The following EPB41L5 variants were observed in gnomAD, a reference collection of about 807,000 sequenced individuals.
The protein encoded by EPB41L5 is erythrocyte membrane protein band 4.1 like 5, also known as band 4.1-like protein 5.
EPB41L5 carries 55 observed loss-of-function variants against 106.6 expected under a neutral mutation model. The observed-to-expected ratio is 0.52, with a 90% CI of 0.42 to 0.65. The LOEUF (loss-of-function observed/expected upper bound fraction) is 0.65, where lower values mean the gene tolerates loss of function less well. Among genes scored for constraint, EPB41L5 ranks in the 30% least tolerant of loss-of-function variants. EPB41L5 has a pLI of 0.00. For missense variants in EPB41L5, 871 were observed against 882.1 expected (o/e 0.99, Z 0.16); for synonymous variants, 297 against 306.7 (o/e 0.97, Z 0.33).
At chr2:120,091,168 T>A (rs190627338) in intron 12 of EPB41L5, among the ~76,000 whole-genome samples, 12 of 152,268 alleles carry the variant, frequency 7.9e-5, no homozygotes, top group Non-Finnish European at 1.6e-4. Context: ...AAAAAACATT[T>A]CTGGAAAATT....
chr2:120,015,668 G>T (rs1677465079), intron 1 of EPB41L5, among the ~76,000 whole-genome samples: 1 of 152,006 alleles, frequency 6.6e-6, no homozygotes, highest in Admixed American at 6.6e-5. Flanking sequence ...GCTGGGCTTG[G>T]TGCCTCATGC....
intron 3 of EPB41L5, among the ~76,000 whole-genome samples, chr2:120,046,671 T>C (rs1395439559): frequency 2.0e-5 from 3 of 152,100 alleles, no homozygotes; most frequent in African/African-American, 4.8e-5. Context: ...TAATTAGATC[T>C]CATTTGCCAA....
chr2:120,169,268 G>A (rs537211865), intron 24 of EPB41L5, among the ~76,000 whole-genome samples: 1 of 152,258 alleles, frequency 6.6e-6, no homozygotes, highest in East Asian at 1.9e-4. Context: ...TAAATCAGCT[G>A]GACAGATTAG....
At chr2:120,168,143 C>G (rs1034595530) in intron 24 of EPB41L5, 136 bp downstream of exon 24, 25 of 1,048,630 alleles carry the variant, frequency 2.4e-5, no homozygotes, top group Non-Finnish European at 3.3e-5. Context: ...AATCTTTTTT[C>G]TGTTTGTTAT....
rs1687965126 is a variant in EPB41L5, at chr2:120,177,595, T to C, written c.*2688T>C. On this transcript the variant is annotated 3_prime_UTR_variant, in exon 25 of 25. Transcript: ENST00000263713. ...AAATTAATCAGTGAGACCTAATTTG[T>C]GACATGTCAGTAGCATCATCTTTTG... 6.6e-6 allele frequency: 1 copy of C among 152,226 alleles called. No individual in the cohort carries two copies. Among genetic ancestry groups the C allele is most frequent in the Non-Finnish European group, 1.5e-5 (1 of 68,052 alleles). 9.4% of individuals were successfully genotyped at this position (152,226 alleles called of 1,614,324 possible).
At chr2:120,057,636 CTT>C (rs554013617) in intron 3 of EPB41L5, among the ~76,000 whole-genome samples, 30 of 141,522 alleles carry the variant, frequency 2.1e-4, no homozygotes, top group Admixed American at 2.8e-4. Flanking sequence ...TTTATAATCT[CTT>C]TTTTTTTTTT....
intron 3 of EPB41L5, among the ~76,000 whole-genome samples, chr2:120,056,039 A>T (rs374819164): frequency 2.6e-5 from 4 of 152,120 alleles, no homozygotes; most frequent in African/African-American, 9.7e-5. Flanking sequence ...GAAAATGTTC[A>T]GTCTTCTACC....
At chr2:120,081,136 G>T (rs1405063420) in intron 10 of EPB41L5, among the ~76,000 whole-genome samples, 1 of 152,040 alleles carries the variant, frequency 6.6e-6, no homozygotes, top group Non-Finnish European at 1.5e-5. Context: ...GTCAATTTTG[G>T]CTTTTGTTGC....
chr2:120,128,285 A>ACACACACACACC (rs1685550043), intron 17 of EPB41L5, among the ~76,000 whole-genome samples: 1 of 152,006 alleles, frequency 6.6e-6, no homozygotes, highest in Non-Finnish European at 1.5e-5. Flanking sequence ...ACACACACAC[A>ACACACACACACC]CACACATTTT....
chr2:120,147,083 C>G (rs1346404767), intron 20 of EPB41L5, among the ~76,000 whole-genome samples: 1 of 152,206 alleles, frequency 6.6e-6, no homozygotes, highest in African/African-American at 2.4e-5. Flanking sequence ...CACGGTGTCT[C>G]AGACCTGTAA....
intron 10 of EPB41L5, among the ~76,000 whole-genome samples, chr2:120,081,259 T>G (rs1682640034): frequency 6.6e-6 from 1 of 152,240 alleles, no homozygotes; most frequent in Admixed American, 6.5e-5. Context: ...ATTTAAGTCT[T>G]TAATCCATCT....
chr2:120,128,296 T>G (rs1398590648), intron 17 of EPB41L5, among the ~76,000 whole-genome samples: 1 of 112,258 alleles, frequency 8.9e-6, no homozygotes, highest in Non-Finnish European at 2.0e-5. Flanking sequence ...CACACATTTT[T>G]GAAGGTTAAA....
chr2:120,093,771 T>C (rs1344349407), intron 14 of EPB41L5, among the ~76,000 whole-genome samples: 1 of 152,228 alleles, frequency 6.6e-6, no homozygotes, highest in Non-Finnish European at 1.5e-5. Context: ...TGTCTGGTTT[T>C]TTATGTAGGG....
chr2:120,079,268 C>T (rs1302581057), intron 10 of EPB41L5, among the ~76,000 whole-genome samples: 2 of 152,128 alleles, frequency 1.3e-5, no homozygotes, highest in African/African-American at 4.8e-5. Flanking sequence ...TAAACATAGC[C>T]CACTACGTAT....
intron 20 of EPB41L5, among the ~76,000 whole-genome samples, chr2:120,147,835 A>G (rs1272139940): frequency 6.6e-6 from 1 of 151,964 alleles, no homozygotes; most frequent in Non-Finnish European, 1.5e-5. Context: ...ATGCAGATTT[A>G]TTTTTCTAAA....
chr2:120,106,434 T>G (rs1245031188), intron 16 of EPB41L5: 1 of 985,222 alleles, frequency 1.0e-6, no homozygotes, highest in Non-Finnish European at 1.2e-6. Flanking sequence ...TATAAGTAGC[T>G]CAACCTAAAT....
chr2:120,059,030 G>A (rs1680852738), intron 3 of EPB41L5, among the ~76,000 whole-genome samples: 1 of 152,128 alleles, frequency 6.6e-6, no homozygotes, highest in African/African-American at 2.4e-5. Flanking sequence ...TAAAATGGGA[G>A]GAATCATGCT....
At chr2:120,167,646 T>G (rs1687474321) in intron 23 of EPB41L5, 139 bp downstream of exon 23, 5 of 1,039,440 alleles carry the variant, frequency 4.8e-6, no homozygotes, top group Admixed American at 2.3e-5. Context: ...ACTTAATGGC[T>G]TCAAGCTAGT....
At chr2:120,020,473 C>T (rs1677844521) in intron 2 of EPB41L5, among the ~76,000 whole-genome samples, 2 of 152,098 alleles carry the variant, frequency 1.3e-5, no homozygotes, top group Admixed American at 6.6e-5. Flanking sequence ...GTCATCATTA[C>T]GTGTATTTGT....
Sources: allele counts gnomAD v4.1 joint callset (sites outside exome capture counted in the v4.1 genomes callset), GRCh38; gene constraint gnomAD v4.1.1; transcripts MANE v1.5; gene names NCBI Gene and HGNC (gene_info 2026-07-23, HGNC 2026-07-21).